Variants in WDR18 observed in about 807,000 individuals in gnomAD.
The protein encoded by WDR18 is WD repeat domain 18.
In WDR18, 33 loss-of-function variants were observed where a neutral mutation model predicts 49.6. The ratio of observed to expected loss-of-function variants is 0.67; its 90% CI spans 0.50 to 0.89. The LOEUF is 0.89. Among genes scored for constraint, WDR18 ranks in the 40% least tolerant of loss-of-function variants. The probability of loss-of-function intolerance (pLI) is 0.00; values close to 1 mark genes in which losing one functional copy is unlikely to be tolerated. For missense variants in WDR18, 653 were observed against 593.6 expected, an observed-to-expected ratio of 1.10 and a Z score of -1.04; for synonymous variants, 315 against 263.6, an observed-to-expected ratio of 1.19 and a Z score of -1.89.
At chr19:993,287 G>A (rs1483737971) in intron 8 of WDR18, among the ~76,000 whole-genome samples, 2 of 152,238 alleles carry the variant, frequency 1.3e-5, no homozygotes, top group African/African-American at 2.4e-5. Context: ...GGGCAGCAGC[G>A]GTTCCCACGA....
chr19:989,195 C>G (rs2038512745), intron 2 of WDR18, among the ~76,000 whole-genome samples: 1 of 132,894 alleles, frequency 7.5e-6, no homozygotes, highest in South Asian at 2.5e-4. Flanking sequence ...AACCCACAAC[C>G]CCCCCCAGAG....
upstream of WDR18, chr19:984,339 G>A: frequency 6.3e-7 from 1 of 1,581,286 alleles, no homozygotes; most frequent in Non-Finnish European, 8.6e-7. Context: ...CGTCCGGGGC[G>A]GTGGGGAAGG....
intron 8 of WDR18, 43 bp from the exon 9 acceptor site, chr19:993,977 T>G: frequency 6.5e-7 from 1 of 1,545,604 alleles, no homozygotes; most frequent in Non-Finnish European, 8.7e-7. Flanking sequence ...GTGTGGTGTG[T>G]GACAGGACGC....
At chr19:985,390 G>A (rs1458920779) in intron 1 of WDR18, among the ~76,000 whole-genome samples, 3 of 152,044 alleles carry the variant, frequency 2.0e-5, no homozygotes, top group Non-Finnish European at 4.4e-5. Flanking sequence ...GGCTGGTCTC[G>A]AACTCCTGAC....
intron 8 of WDR18, among the ~76,000 whole-genome samples, chr19:992,877 G>A (rs2038578258): frequency 6.6e-6 from 1 of 152,238 alleles, no homozygotes; most frequent in African/African-American, 2.4e-5. Flanking sequence ...GGGCTCTGGC[G>A]CTTGGCACTT....
chr19:984,262 T>G, upstream of WDR18: 1 of 1,301,614 alleles, frequency 7.7e-7, no homozygotes, highest in Non-Finnish European at 1.0e-6. Context: ...GGCCACCCGC[T>G]GGGGCCGCGG....
Position 993,251 on chromosome 19 carries a change from G to A in WDR18, c.1099-769G>A, listed in dbSNP as rs562637655. 3.3e-5 allele frequency among the ~76,000 whole-genome samples: 5 copies of A among 152,346 alleles called. No individual in the cohort carries two copies. In the South Asian group the frequency reaches 1.0e-3, roughly 32 times the overall value. ...GGCAGAGCCAGCTCCACGCTAGGGCGCCTGCCCGGCCACTGCCTCCTCCTA... is the reference window on the plus strand; with the variant it reads ...GGCAGAGCCAGCTCCACGCTAGGGCACCTGCCCGGCCACTGCCTCCTCCTA... On this transcript the variant is annotated intron_variant, in intron 8 of 9. Coordinates refer to ENST00000585809, the MANE Select transcript of WDR18 (RefSeq NM_024100.4).
At position 985,876 on chromosome 19, in the gene WDR18, G is replaced by A. The variant is rs1266212717; in HGVS notation, c.222G>A (p.Gln74=). The A allele has an allele frequency of 1.2e-6, 2 of 1,613,750 alleles. No homozygotes were observed. Among genetic ancestry groups the A allele is most frequent in the East Asian group, 4.5e-5 (2 of 44,898 alleles). The change falls in exon 2 of 10, where the codon CAG becomes CAA. Residue 74 remains glutamine, a synonymous_variant. Coordinates refer to ENST00000585809, the MANE Select transcript of WDR18 (RefSeq NM_024100.4). ...CTGTGCATCCTTAGGACCAGCTCCA[G>A]CAGAAGATCATGTGCCCCGGGCCTG... ...AWELQRKDQL[Q]QKIMCPGPVT...
intron 1 of WDR18, 31 bp downstream of exon 1, chr19:984,594 A>G (rs918529924): frequency 2.2e-6 from 3 of 1,393,868 alleles, no homozygotes; most frequent in African/African-American, 3.0e-5. Context: ...TGCTGGGGTC[A>G]TGGGGCGCCC....
At chr19:983,631 T>C (rs911603741), upstream of WDR18, among the ~76,000 whole-genome samples, 2 of 151,538 alleles carry the variant, frequency 1.3e-5, no homozygotes, top group Non-Finnish European at 2.9e-5. Context: ...AGTTAGACCC[T>C]GCTTGGCTCG....
chr19:985,467 G>T (rs2038465006), intron 1 of WDR18, among the ~76,000 whole-genome samples: 1 of 152,158 alleles, frequency 6.6e-6, no homozygotes, highest in South Asian at 2.1e-4. Flanking sequence ...ACCACGCCCG[G>T]CTGAGTTTTC....
At chr19:990,050 C>T (rs2038523030) in intron 3 of WDR18, 155 bp downstream of exon 3, 3 of 1,399,530 alleles carry the variant, frequency 2.1e-6, no homozygotes, top group Non-Finnish European at 2.8e-6. Context: ...GCTGCCCACA[C>T]TGGGGTCTGG....
chr19:993,387 G>A (rs1231340167), intron 8 of WDR18, among the ~76,000 whole-genome samples: 1 of 152,188 alleles, frequency 6.6e-6, no homozygotes, highest in South Asian at 2.1e-4. Flanking sequence ...CTCCGGTAAT[G>A]CCGCCACCTT....
intron 8 of WDR18, among the ~76,000 whole-genome samples, chr19:993,028 C>CT (rs1331630167): frequency 1.3e-5 from 2 of 152,352 alleles, no homozygotes; most frequent in East Asian, 1.9e-4. Context: ...GAGTGACACT[C>CT]TGTTTTCCCA....
chr19:991,695 GCGGGGCC>G, intron 7 of WDR18, among the ~76,000 whole-genome samples: 1 of 4,108 alleles, frequency 2.4e-4, no homozygotes, highest in East Asian at 7.2e-3. Flanking sequence ...TGACTGTGGG[GCGGGGCC>G]TGGCTGGGAC....
intron 8 of WDR18, among the ~76,000 whole-genome samples, chr19:992,769 C>T (rs1281670959): frequency 6.6e-6 from 1 of 152,210 alleles, no homozygotes; most frequent in Non-Finnish European, 1.5e-5. Context: ...GTTCCTTGGG[C>T]CTGGGGAGGC....
intron 8 of WDR18, 59 bp from the exon 9 acceptor site, chr19:993,961 C>T: frequency 1.3e-6 from 2 of 1,535,904 alleles, no homozygotes; most frequent in South Asian, 1.2e-5. Flanking sequence ...GTGGGATGGG[C>T]AAAGCGTGTG....
intron 1 of WDR18, 97 bp from the exon 2 acceptor site, chr19:985,767 CT>C (rs2038468046): frequency 1.8e-6 from 2 of 1,105,174 alleles, no homozygotes; most frequent in East Asian, 4.8e-5. Flanking sequence ...GGTTCTCTGA[CT>C]TAGCCATTGC....
upstream of WDR18, chr19:984,131 T>C (rs961517647): frequency 1.8e-5 from 9 of 497,358 alleles, no homozygotes; most frequent in South Asian, 3.2e-5. Context: ...CCCTGGGCCT[T>C]GGAAGAAGTC....
Sources: allele counts gnomAD v4.1 joint callset (sites outside exome capture counted in the v4.1 genomes callset), GRCh38; gene constraint gnomAD v4.1.1; transcripts MANE v1.5; gene names NCBI Gene and HGNC (gene_info 2026-07-23, HGNC 2026-07-21).